PATJ: variants seen among roughly 807,000 people sequenced by gnomAD.
PATJ encodes inaD-like protein.
PATJ carries 190 observed loss-of-function variants against 224.9 expected under a neutral mutation model. That is an observed-to-expected ratio of 0.84 (90% confidence interval 0.75 to 0.95). The LOEUF is 0.95. PATJ is among the 40% of genes least tolerant of loss of function. PATJ has a pLI of 0.00. For missense variants in PATJ, 2,121 were observed against 2,270.3 expected, an observed-to-expected ratio of 0.93 and a Z score of 1.34; for synonymous variants, 769 against 820.3, an observed-to-expected ratio of 0.94 and a Z score of 1.07.
intron 33 of PATJ, chr1:62,100,173 A>G (rs1661973040): frequency 2.0e-6 from 1 of 495,172 alleles, no homozygotes; most frequent in African/African-American, 1.9e-5. Context: ...CAATGGATTT[A>G]AAATCCATTT....
At chr1:62,140,202 A>G (rs1057396560) in intron 41 of PATJ, among the ~76,000 whole-genome samples, 1 of 152,108 alleles carries the variant, frequency 6.6e-6, no homozygotes, top group Admixed American at 6.6e-5. Flanking sequence ...GACAACCCCA[A>G]GTGTCCTGGG....
rs761301428 is a variant in PATJ at position 62,108,407 on chromosome 1, T to C, written c.4378-30T>C. On this transcript the variant is annotated intron_variant, in intron 33 of 43. Coordinates refer to ENST00000642238, the MANE Select transcript of PATJ (RefSeq NM_001350145.3). ...TGCTTAAGGAAGCATTTGTGGTTGT[T>C]GAAAATGAGTAAGATTTTATTTTTT... is the stretch of plus-strand genomic sequence containing the variant. The C allele has an allele frequency of 8.2e-6, 12 of 1,461,514 alleles. No individual in the cohort carries two copies. In the East Asian group the frequency reaches 2.5e-4, roughly 31 times the overall value. The allele number at this position is 1,461,514 out of a possible 1,614,324, so 90.5% of individuals were successfully genotyped here. A position where few individuals can be genotyped will look rare whatever the true frequency, so the allele number is the denominator to read the frequency against.
chr1:61,990,222 T>C lies in PATJ; in HGVS notation c.3725T>C (p.Leu1242Pro), dbSNP rs1240921544. 1.9e-6 allele frequency: 3 copies of C among 1,613,646 alleles called. No individual in the cohort carries two copies. Among genetic ancestry groups the C allele is most frequent in the Middle Eastern group, 1.6e-4 (1 of 6,082 alleles). Residue 1242 changes from leucine to proline, a missense_variant, in exon 28 of 44, where the codon CTT (leucine) becomes CCT (proline). By Grantham distance (98) the Leu-to-Pro change is moderately conservative. Transcript: ENST00000642238. The stretch of plus-strand genomic sequence containing the variant: ...CCTGGAGAACTGCACATTATTGAAC[T>C]TGAAAAAGATAAGAATGGACTTGGA... ...DLPGELHIIE[L>P]EKDKNGLGLS...
At position 62,099,120 on chromosome 1, in the gene PATJ, C is replaced by T. The variant is rs914463441; in HGVS notation, c.4378-9317C>T. ...ACTAGATTGAGGATTTTGCCACCTC[C>T]GCCATATTATCAGCCCTCGTTGGTT... On this transcript the variant is annotated intron_variant, in intron 33 of 43. Coordinates refer to ENST00000642238, the MANE Select transcript of PATJ (RefSeq NM_001350145.3). Among the ~76,000 whole-genome samples the T allele has an allele frequency of 4.6e-5, 7 of 152,128 alleles. No homozygotes were observed. The South Asian group carries it at 6.2e-4, about 14-fold the overall frequency.
chr1:61,758,698 A>C (rs1317566640), intron 1 of PATJ, among the ~76,000 whole-genome samples: 2 of 152,134 alleles, frequency 1.3e-5, no homozygotes, highest in Non-Finnish European at 2.9e-5. Context: ...CTTGGGACAC[A>C]AGTTTTTGCT....
intron 43 of PATJ, among the ~76,000 whole-genome samples, 154 bp downstream of exon 43, chr1:62,153,635 T>C (rs553209298): frequency 7.2e-5 from 11 of 152,282 alleles, no homozygotes; most frequent in Admixed American, 2.0e-4. Context: ...CACACAGGAA[T>C]AGTGGGAGAA....
At chr1:62,023,229 G>T (rs1217777936) in intron 29 of PATJ, among the ~76,000 whole-genome samples, 1 of 151,426 alleles carries the variant, frequency 6.6e-6, no homozygotes, top group Non-Finnish European at 1.5e-5. Context: ...GGTGGAGGTT[G>T]CAGTGAGCCG....
chr1:61,754,304 A>G lies in PATJ; in HGVS notation c.-35-8554A>G, dbSNP rs12036863. Among the ~76,000 whole-genome samples, 557 of 152,268 alleles carry G rather than the reference A, an allele frequency of 3.7e-3. 6 individuals are homozygous for G. Among genetic ancestry groups the G allele is most frequent in the Admixed American group, 0.027 (418 of 15,288 alleles). ...ATGACCAAAGATTTCCTATGACCAT[A>G]CCCTGAGTGAGACATAGGTTCCATT... On this transcript the variant is annotated intron_variant, in intron 1 of 43. Coordinates refer to ENST00000642238, the MANE Select transcript of PATJ (RefSeq NM_001350145.3).
At chr1:61,990,804 A>G (rs1268491114) in intron 28 of PATJ, among the ~76,000 whole-genome samples, 1 of 152,174 alleles carries the variant, frequency 6.6e-6, no homozygotes, top group East Asian at 1.9e-4. Context: ...CTTCTCAAAA[A>G]TAATAGTTAA....
chr1:61,972,995 G>A (rs539702896), intron 27 of PATJ, among the ~76,000 whole-genome samples: 1 of 152,078 alleles, frequency 6.6e-6, no homozygotes, highest in South Asian at 2.1e-4. Flanking sequence ...CCCAAAAAAG[G>A]TATTCTATCA....
intron 28 of PATJ, among the ~76,000 whole-genome samples, chr1:62,007,218 G>A (rs1015599465): frequency 7.9e-5 from 12 of 152,026 alleles, no homozygotes; most frequent in African/African-American, 2.9e-4. Context: ...TTCAGAACCT[G>A]GGAAAAAAAT....
intron 7 of PATJ, among the ~76,000 whole-genome samples, chr1:61,784,946 C>T (rs1341998150): frequency 6.6e-6 from 1 of 152,170 alleles, no homozygotes; most frequent in African/African-American, 2.4e-5. Flanking sequence ...TCCGCTGCAC[C>T]ACTTCTCTAC....
chr1:62,076,647 C>T (rs891008457), intron 31 of PATJ, among the ~76,000 whole-genome samples: 7 of 152,136 alleles, frequency 4.6e-5, no homozygotes, highest in Admixed American at 3.9e-4. Context: ...CTATCAGGGA[C>T]CTATTATGCA....
At chr1:61,871,557 ATTTTTTTTT>A (rs71582650) in intron 20 of PATJ, among the ~76,000 whole-genome samples, 5,356 of 54,708 alleles carry the variant, frequency 0.098, 170 homozygotes, top group Non-Finnish European at 0.14. Context: ...ATATATATAT[ATTTTTTTTT>A]TTTTTTTTTT....
In PATJ at chr1:61,767,367, T is replaced by G. The variant is rs1369834618; in HGVS notation, c.384+894T>G. 2.0e-5 allele frequency among the ~76,000 whole-genome samples: 3 copies of G among 151,972 alleles called. No homozygotes were observed. In the East Asian group the frequency reaches 5.8e-4, roughly 30 times the overall value. ...TGGGCAATGTAGGGAGACCCCCATCTCTACAAAAATAAAAATAAAAATATA... is the reference window on the plus strand; with the variant it reads ...TGGGCAATGTAGGGAGACCCCCATCGCTACAAAAATAAAAATAAAAATATA... On this transcript the variant is annotated intron_variant, in intron 4 of 43. Coordinates refer to ENST00000642238, the MANE Select transcript of PATJ (RefSeq NM_001350145.3).
intron 21 of PATJ, among the ~76,000 whole-genome samples, chr1:61,881,656 C>T (rs867393226): frequency 1.1e-4 from 17 of 152,254 alleles, no homozygotes; most frequent in Admixed American, 4.6e-4. Context: ...AGGTGATCCA[C>T]CCACCTTGGC....
In PATJ at chr1:62,128,870, G is replaced by A; in HGVS notation, c.5196G>A (p.Gly1732=). The A allele has an allele frequency of 6.2e-7, 1 of 1,612,682 alleles. No homozygotes were observed. Among genetic ancestry groups the A allele is most frequent in the Non-Finnish European group, 8.5e-7 (1 of 1,178,832 alleles). ...KVGDRIVSIN[G]QPLDGLSHAD... The stretch of plus-strand genomic sequence containing the variant: ...GAGATCGGATTGTCAGCATTAACGG[G>A]CAACCTTTGGATGGGCTGTCTCACG... The change falls in exon 41 of 44, where the codon GGG becomes GGA. Residue 1732 remains glycine, a synonymous_variant. Transcript: ENST00000642238.
chr1:61,861,070 G>A (rs1664458005), intron 18 of PATJ, among the ~76,000 whole-genome samples: 1 of 151,058 alleles, frequency 6.6e-6, no homozygotes, highest in Non-Finnish European at 1.5e-5. Context: ...CAGGTACATA[G>A]TTATATATAC....
At chr1:61,754,973 G>T (rs983023315) in intron 1 of PATJ, among the ~76,000 whole-genome samples, 6 of 151,958 alleles carry the variant, frequency 3.9e-5, no homozygotes, top group African/African-American at 1.2e-4. Flanking sequence ...CTCCAGAATG[G>T]TCTCCAAAAT....
Sources: allele counts gnomAD v4.1 joint callset (sites outside exome capture counted in the v4.1 genomes callset), GRCh38; gene constraint gnomAD v4.1.1; transcripts MANE v1.5; gene names NCBI Gene and HGNC (gene_info 2026-07-23, HGNC 2026-07-21).